Variants in FRMD6 observed in about 807,000 individuals in gnomAD.
The protein encoded by FRMD6 is FERM domain containing 6.
Under a neutral mutation model 73.2 loss-of-function variants are expected in FRMD6, and 37 were observed. That is an observed-to-expected ratio of 0.51 (90% CI 0.39 to 0.66). The LOEUF (loss-of-function observed/expected upper bound fraction) is 0.66, where lower values mean the gene tolerates loss of function less well. FRMD6 is among the 30% of genes least tolerant of loss of function. The pLI, the probability that FRMD6 is intolerant of heterozygous loss-of-function variation, is 0.00. For synonymous variants in FRMD6, 273 were observed against 282.2 expected (o/e 0.97, Z 0.33); for missense variants, 714 against 780.5 (o/e 0.91, Z 1.02).
At chr14:51,534,885 C>T (rs1885790074) in intron 1 of FRMD6, among the ~76,000 whole-genome samples, 2 of 152,294 alleles carry the variant, frequency 1.3e-5, no homozygotes, top group South Asian at 4.1e-4. Context: ...AAGTATGTGC[C>T]AGGTACTCTC....
intron 1 of FRMD6, among the ~76,000 whole-genome samples, chr14:51,515,090 C>T (rs1596524281): frequency 6.6e-6 from 1 of 152,292 alleles, no homozygotes; most frequent in African/African-American, 2.4e-5. Flanking sequence ...CTAGATTGTG[C>T]TACAGGATGG....
intron 2 of FRMD6, among the ~76,000 whole-genome samples, chr14:51,604,318 TGTG>T (rs1216884211): frequency 6.6e-6 from 1 of 152,114 alleles, no homozygotes; most frequent in African/African-American, 2.4e-5. Flanking sequence ...GCTCTGGCCT[TGTG>T]GTGGGTTGGA....
rs116545653 is a variant in FRMD6, at chr14:51,547,528, T to C, written c.-209-22820T>C. ...TTGGAATAGTGTTCTGTGATTCATATCCTAGTCTGGTATGCCTTAGCCAAA... is the reference window on the plus strand; with the variant it reads ...TTGGAATAGTGTTCTGTGATTCATACCCTAGTCTGGTATGCCTTAGCCAAA... On this transcript the variant is annotated intron_variant, in intron 1 of 14. Coordinates refer to the FRMD6 transcript ENST00000356218. Among the ~76,000 whole-genome samples the C allele has an allele frequency of 5.2e-3, 786 of 152,274 alleles. 2 individuals carry two copies. The highest frequency in any genetic ancestry group is 0.017 in the African/African-American group (725 of 41,564).
At chr14:51,411,738 T>C in the FRMD6 span, among the ~76,000 whole-genome samples, 1 of 152,230 alleles carries the variant, frequency 6.6e-6, no homozygotes, top group African/African-American at 2.4e-5. Flanking sequence ...TTTTTGGTTT[T>C]AAGTTTATAA....
At chr14:51,586,751 T>TTAAA (rs1268128517) in intron 2 of FRMD6, among the ~76,000 whole-genome samples, 2 of 151,950 alleles carry the variant, frequency 1.3e-5, no homozygotes, top group East Asian at 3.9e-4. Context: ...TTATTATTAA[T>TTAAA]CATTATTTTG....
chr14:51,612,719 C>T (rs1159618518), intron 2 of FRMD6, among the ~76,000 whole-genome samples: 1 of 152,200 alleles, frequency 6.6e-6, no homozygotes, highest in Non-Finnish European at 1.5e-5. Flanking sequence ...AACTCTTACT[C>T]ATAAAGTTGG....
At chr14:51,486,846 A>G (rs1940531717), upstream of FRMD6, among the ~76,000 whole-genome samples, 1 of 152,192 alleles carries the variant, frequency 6.6e-6, no homozygotes, top group Non-Finnish European at 1.5e-5. Flanking sequence ...GAATGATGCA[A>G]TGCTATATAT....
intron 2 of FRMD6, among the ~76,000 whole-genome samples, chr14:51,609,908 G>A (rs1465103576): frequency 2.0e-5 from 3 of 152,098 alleles, no homozygotes; most frequent in African/African-American, 4.8e-5. Context: ...TGAAGAATCC[G>A]AAGCCCATTC....
At chr14:51,423,714 A>T in the FRMD6 span, among the ~76,000 whole-genome samples, 4 of 152,282 alleles carry the variant, frequency 2.6e-5, no homozygotes, top group South Asian at 4.1e-4. Context: ...GATTCTGACC[A>T]CACTCCTATT....
At position 51,645,077 on chromosome 14, in the gene FRMD6, A is replaced by G. The variant is rs543234183; in HGVS notation, c.-146-44614A>G. Among the ~76,000 whole-genome samples the G allele has an allele frequency of 3.9e-5, 6 of 152,344 alleles. No individual in the cohort carries two copies. In the South Asian group the frequency reaches 1.2e-3, roughly 32 times the overall value. ...GAAGTATAAGAAGTCTGTTTAGGCT[A>G]ATAGAATAATTTATTAGGCTACCTT... On this transcript the variant is annotated intron_variant, in intron 2 of 14. Transcript: ENST00000356218.
intron 1 of FRMD6, among the ~76,000 whole-genome samples, chr14:51,555,361 C>G (rs924895883): frequency 6.6e-6 from 1 of 152,170 alleles, no homozygotes; most frequent in African/African-American, 2.4e-5. Context: ...ACAAATTTGC[C>G]TACTGTGTCC....
the FRMD6 span, among the ~76,000 whole-genome samples, chr14:51,419,412 G>T: frequency 5.3e-4 from 81 of 152,306 alleles, 1 homozygote; most frequent in Non-Finnish European, 9.4e-4. Context: ...ATTCCAAAGT[G>T]CTGGGATTAC....
At chr14:51,584,808 G>C (rs1888931679) in intron 2 of FRMD6, among the ~76,000 whole-genome samples, 1 of 152,198 alleles carries the variant, frequency 6.6e-6, no homozygotes, top group Non-Finnish European at 1.5e-5. Flanking sequence ...TAGTGGTAAA[G>C]GGTATAAGCT....
At chr14:51,408,543 C>G in the FRMD6 span, among the ~76,000 whole-genome samples, 1 of 152,142 alleles carries the variant, frequency 6.6e-6, no homozygotes, top group Admixed American at 6.5e-5. Flanking sequence ...CTTTTCAACT[C>G]TGTCAAATCA....
intron 1 of FRMD6, among the ~76,000 whole-genome samples, chr14:51,511,815 T>C (rs1447398148): frequency 6.6e-6 from 1 of 151,986 alleles, no homozygotes; most frequent in East Asian, 1.9e-4. Context: ...CCATGGCATG[T>C]GTATACCTAT....
At chr14:51,650,200 G>C (rs959281015), upstream of FRMD6, 12 of 152,164 alleles carry the variant, frequency 7.9e-5, no homozygotes, top group African/African-American at 2.7e-4. Context: ...AAAGATCACA[G>C]TTCCTAATAT....
intron 1 of FRMD6, among the ~76,000 whole-genome samples, chr14:51,549,216 T>G (rs79993966): frequency 0.037 from 5,650 of 152,090 alleles, 142 homozygotes; most frequent in Non-Finnish European, 0.056. Context: ...GATAGATGGA[T>G]GGAGGGATGG....
At chr14:51,548,469 C>T (rs1886599026) in intron 1 of FRMD6, among the ~76,000 whole-genome samples, 1 of 152,202 alleles carries the variant, frequency 6.6e-6, no homozygotes, top group Admixed American at 6.5e-5. Flanking sequence ...GGATTCCTAA[C>T]ACAACCTGGC....
chr14:51,587,166 A>G (rs141571091), intron 2 of FRMD6, among the ~76,000 whole-genome samples: 1 of 152,248 alleles, frequency 6.6e-6, no homozygotes, highest in East Asian at 1.9e-4. Flanking sequence ...TTTTCCCAGT[A>G]TATATTTTTG....
Sources: gnomAD v4.1 joint callset for allele counts (sites outside exome capture counted in the v4.1 genomes callset) on GRCh38, gnomAD v4.1.1 for gene constraint, MANE v1.5 for transcripts, NCBI Gene and HGNC (gene_info 2026-07-23, HGNC 2026-07-21) for gene names.